Variants in TBC1D1 observed in about 807,000 individuals in gnomAD.
TBC1D1 encodes the protein TBC1 domain family member 1, also known as TBC1 (tre-2/USP6, BUB2, cdc16) domain family, member 1.
Under a neutral mutation model 125.6 loss-of-function variants are expected in TBC1D1, and 89 were observed. That is an observed-to-expected ratio of 0.71 (90% CI 0.60 to 0.85). The LOEUF (loss-of-function observed/expected upper bound fraction) is 0.85. TBC1D1 is among the 40% of genes least tolerant of loss of function. The pLI is 0.00. For missense variants in TBC1D1, 1,377 were observed against 1,469.2 expected (o/e 0.94, Z 1.03); for synonymous variants, 565 against 564.1 (o/e 1.00, Z -0.02).
At chr4:37,949,794 T>C (rs987588110) in intron 2 of TBC1D1, among the ~76,000 whole-genome samples, 1 of 152,218 alleles carries the variant, frequency 6.6e-6, no homozygotes, top group African/African-American at 2.4e-5. Flanking sequence ...AAAGTAACAA[T>C]AGACGGTACC....
intron 18 of TBC1D1, 135 bp from the exon 21 acceptor site, chr4:38,132,949 C>G: frequency 1.7e-6 from 1 of 597,304 alleles, no homozygotes; most frequent in Non-Finnish European, 2.8e-6. Flanking sequence ...TTATTTATTA[C>G]TTCTAGTACC....
At chr4:37,899,660 GC>G (rs1451829710) in intron 1 of TBC1D1, among the ~76,000 whole-genome samples, 1 of 152,216 alleles carries the variant, frequency 6.6e-6, no homozygotes, top group Non-Finnish European at 1.5e-5. Context: ...GTCATCAGCA[GC>G]AGGATCACCA....
rs116540602 is a variant in TBC1D1 at position 37,912,881 on chromosome 4, A to G, written c.417+10369A>G. ...CTTTATAAATTACCCAGTCTCAGGT[A>G]TTTTGTTATGGCAGCACAAACAGAC... is the stretch of plus-strand genomic sequence containing the variant. On this transcript the variant is annotated intron_variant, in intron 2 of 19. Transcript: ENST00000261439. 4.1e-3 allele frequency among the ~76,000 whole-genome samples: 620 copies of G among 152,298 alleles called. 2 individuals carry two copies. The highest frequency in any genetic ancestry group is 5.3e-3 in the Non-Finnish European group (361 of 68,034).
At chr4:38,135,958 A>ATG (rs1766532802) in intron 19 of TBC1D1, among the ~76,000 whole-genome samples, 1 of 142,858 alleles carries the variant, frequency 7.0e-6, no homozygotes. Context: ...GTGTGTATAT[A>ATG]TGTGTATATA....
At chr4:38,089,537 T>C (rs1302461866) in intron 12 of TBC1D1, among the ~76,000 whole-genome samples, 3 of 152,216 alleles carry the variant, frequency 2.0e-5, no homozygotes, top group African/African-American at 2.4e-5. Flanking sequence ...ATCATACCCA[T>C]GTCTTAGAGT....
At chr4:38,007,033 G>C (rs1344028734) in intron 2 of TBC1D1, 2 of 394,696 alleles carry the variant, frequency 5.1e-6, no homozygotes, top group Non-Finnish European at 1.0e-5. Context: ...GAATCAGTCG[G>C]CCTGGCGACT....
chr4:38,070,218 A>G (rs560480680), intron 12 of TBC1D1, among the ~76,000 whole-genome samples: 1 of 152,370 alleles, frequency 6.6e-6, no homozygotes, highest in Admixed American at 6.5e-5. Flanking sequence ...TCTTATTACT[A>G]AAGTGCTCAG....
chr4:38,074,947 G>A (rs1755325174), intron 12 of TBC1D1, among the ~76,000 whole-genome samples: 1 of 152,082 alleles, frequency 6.6e-6, no homozygotes, highest in African/African-American at 2.4e-5. Context: ...TTTTAGTAGA[G>A]ACAGGGTTTT....
chr4:37,938,487 G>T (rs138117642), intron 2 of TBC1D1, among the ~76,000 whole-genome samples: 1 of 151,872 alleles, frequency 6.6e-6, no homozygotes, highest in Admixed American at 6.6e-5. Flanking sequence ...AACAGAGAAT[G>T]GTTGTTCAAA....
chr4:38,110,786 T>G, intron 15 of TBC1D1: 5 of 985,478 alleles, frequency 5.1e-6, no homozygotes, highest in Non-Finnish European at 4.8e-6. Flanking sequence ...CTGATAGATT[T>G]GTAGGAAGGA....
intron 2 of TBC1D1, among the ~76,000 whole-genome samples, chr4:37,904,154 G>A (rs752624286): frequency 1.3e-5 from 2 of 152,102 alleles, no homozygotes; most frequent in Non-Finnish European, 2.9e-5. Flanking sequence ...ACTAAATGAG[G>A]TAGCACTCGA....
chr4:37,926,510 T>C (rs1457163179), intron 2 of TBC1D1, among the ~76,000 whole-genome samples: 1 of 152,254 alleles, frequency 6.6e-6, no homozygotes, highest in Non-Finnish European at 1.5e-5. Flanking sequence ...CTCTATGTAA[T>C]GATCCTGGCT....
intron 2 of TBC1D1, among the ~76,000 whole-genome samples, chr4:37,954,150 C>T (rs979335100): frequency 6.6e-6 from 1 of 152,128 alleles, no homozygotes; most frequent in South Asian, 2.1e-4. Flanking sequence ...TTGACTTTGG[C>T]CTTTTGTTGT....
intron 3 of TBC1D1, among the ~76,000 whole-genome samples, chr4:38,017,173 CA>C (rs989879047): frequency 1.6e-4 from 24 of 152,106 alleles, no homozygotes; most frequent in African/African-American, 2.7e-4. Flanking sequence ...ATGAGATTTT[CA>C]AAGGTTATTT....
intron 15 of TBC1D1, among the ~76,000 whole-genome samples, chr4:38,114,132 G>C (rs1162714589): frequency 6.6e-6 from 1 of 152,206 alleles, no homozygotes; most frequent in Non-Finnish European, 1.5e-5. Flanking sequence ...CTAAGCGCTG[G>C]AGTGGAAGAT....
intron 12 of TBC1D1, among the ~76,000 whole-genome samples, chr4:38,082,816 T>C (rs1343406695): frequency 6.6e-6 from 1 of 152,210 alleles, no homozygotes; most frequent in East Asian, 1.9e-4. Flanking sequence ...TCAGTGCTCC[T>C]CTGAGCTGTT....
intron 3 of TBC1D1, 75 bp from the exon 4 acceptor site, chr4:38,018,279 C>T: frequency 9.3e-7 from 1 of 1,074,696 alleles, no homozygotes; most frequent in African/African-American, 1.6e-5. Flanking sequence ...GGAGCTTGTC[C>T]CTTTTATTCT....
chr4:38,024,495 G>A (rs1206776229), intron 6 of TBC1D1, among the ~76,000 whole-genome samples: 1 of 152,124 alleles, frequency 6.6e-6, no homozygotes, highest in East Asian at 1.9e-4. Flanking sequence ...CGTCGTTTTG[G>A]AATTAATCAT....
intron 12 of TBC1D1, among the ~76,000 whole-genome samples, chr4:38,075,343 C>T (rs539250923): frequency 6.6e-6 from 1 of 152,150 alleles, no homozygotes; most frequent in Admixed American, 6.5e-5. Context: ...AACACAAACC[C>T]GAGTTCCCCA....
Sources: gnomAD v4.1 joint callset for allele counts (sites outside exome capture counted in the v4.1 genomes callset) on GRCh38, gnomAD v4.1.1 for gene constraint, MANE v1.5 for transcripts, NCBI Gene and HGNC (gene_info 2026-07-23, HGNC 2026-07-21) for gene names.